The following ZNF827 variants were observed in gnomAD, a reference collection of about 807,000 sequenced individuals.
ZNF827 encodes zinc finger protein 827.
A neutral mutation model predicts 102.4 loss-of-function variants in ZNF827; 13 were observed. That is an observed-to-expected ratio of 0.13 (90% CI 0.08 to 0.20). The LOEUF is 0.20. ZNF827 is among the 10% of genes least tolerant of loss of function. The pLI is 1.00. For synonymous variants in ZNF827, 523 were observed against 536.2 expected (o/e 0.98, Z 0.34); for missense variants, 1,103 against 1,344.4 (o/e 0.82, Z 2.81).
chr4:145,811,101 C>G (rs925482355), intron 8 of ZNF827, among the ~76,000 whole-genome samples: 1 of 151,680 alleles, frequency 6.6e-6, no homozygotes, highest in African/African-American at 2.4e-5. Flanking sequence ...AAGTGATTCT[C>G]GTACCTCAGC....
rs548431091 is a variant in ZNF827 at position 145,801,713 on chromosome 4, T to C, written c.2383+21709A>G. Among the ~76,000 whole-genome samples the C allele has an allele frequency of 5.3e-5, 8 of 152,350 alleles. No individual in the cohort carries two copies. In the South Asian group the frequency reaches 1.7e-3, roughly 32 times the overall value. On this transcript the variant is annotated intron_variant, in intron 8 of 14. Transcript: ENST00000508784. Reference sequence around the variant, plus strand: ...ATTTGATGTTCATTTTCATCAACATTAGCAGAAGTAATGCCCCAAGGGTGG... The same window carrying C: ...ATTTGATGTTCATTTTCATCAACATCAGCAGAAGTAATGCCCCAAGGGTGG...
At chr4:145,865,772 G>A (rs1006077466) in intron 5 of ZNF827, among the ~76,000 whole-genome samples, 7 of 152,040 alleles carry the variant, frequency 4.6e-5, no homozygotes, top group African/African-American at 1.2e-4. Context: ...TTCCTGTTTC[G>A]CACCTCACCC....
chr4:145,882,566 A>G (rs12510696), intron 4 of ZNF827, among the ~76,000 whole-genome samples: 1 of 152,304 alleles, frequency 6.6e-6, no homozygotes, highest in Admixed American at 6.5e-5. Context: ...CTATCCACTG[A>G]CTTTTAATCC....
rs928684908 is a variant in ZNF827, at chr4:145,774,789, G to C, written c.2694-117C>G. On this transcript the variant is annotated intron_variant, in intron 10 of 14. Transcript: ENST00000508784. ...GAAAACTGGAATTTGAAACACATTT[G>C]TCTCTCCACCAAAAGGTTTTGCATT... The C allele has an allele frequency of 7.7e-6, 9 of 1,165,504 alleles. No individual in the cohort carries two copies. In the African/African-American group the frequency reaches 1.4e-4, roughly 18 times the overall value. 72.2% of individuals were successfully genotyped at this position (1,165,504 alleles called of 1,614,324 possible). A position where few individuals can be genotyped will look rare whatever the true frequency, so the allele number is the denominator to read the frequency against.
intron 5 of ZNF827, among the ~76,000 whole-genome samples, chr4:145,860,028 C>A (rs1747547137): frequency 6.6e-6 from 1 of 152,164 alleles, no homozygotes; most frequent in African/African-American, 2.4e-5. Context: ...TTCCTACTCC[C>A]CAGCTTTCTT....
intron 8 of ZNF827, among the ~76,000 whole-genome samples, chr4:145,782,443 A>G (rs1273120415): frequency 6.6e-6 from 1 of 152,146 alleles, no homozygotes; most frequent in Non-Finnish European, 1.5e-5. Context: ...GTGCCATGTG[A>G]GAAACTTTGG....
At chr4:145,821,639 A>T (rs1480009837) in intron 8 of ZNF827, among the ~76,000 whole-genome samples, 1 of 152,216 alleles carries the variant, frequency 6.6e-6, no homozygotes, top group Non-Finnish European at 1.5e-5. Context: ...ACCTAAAGAA[A>T]GGTTTTGGTG....
intron 7 of ZNF827, among the ~76,000 whole-genome samples, chr4:145,842,008 G>A (rs1745467807): frequency 6.6e-6 from 1 of 152,092 alleles, no homozygotes; most frequent in African/African-American, 2.4e-5. Context: ...CTACAGGGAG[G>A]GGGAAGTAGA....
intron 6 of ZNF827, among the ~76,000 whole-genome samples, chr4:145,846,403 G>A (rs1249865861): frequency 6.6e-6 from 1 of 151,754 alleles, no homozygotes; most frequent in African/African-American, 2.4e-5. Flanking sequence ...GCGTGAACCC[G>A]GGAGGCGGAG....
chr4:145,848,282 A>G (rs1175389570), intron 6 of ZNF827, among the ~76,000 whole-genome samples: 1 of 152,234 alleles, frequency 6.6e-6, no homozygotes, highest in Non-Finnish European at 1.5e-5. Flanking sequence ...GATCTGCACA[A>G]ATACCATCCC....
intron 4 of ZNF827, among the ~76,000 whole-genome samples, chr4:145,881,612 T>C (rs959335146): frequency 6.6e-6 from 1 of 152,222 alleles, no homozygotes; most frequent in East Asian, 1.9e-4. Context: ...CTTCTAATAA[T>C]GACGACCCTC....
chr4:145,864,906 T>A (rs1439042468), intron 5 of ZNF827, among the ~76,000 whole-genome samples: 3 of 152,222 alleles, frequency 2.0e-5, no homozygotes, highest in Non-Finnish European at 4.4e-5. Context: ...AACATGTATT[T>A]TCCATCCGTA....
chr4:145,843,319 C>T (rs1401875819), intron 7 of ZNF827, among the ~76,000 whole-genome samples: 1 of 152,066 alleles, frequency 6.6e-6, no homozygotes, highest in Non-Finnish European at 1.5e-5. Context: ...CGGGAGCTCA[C>T]AGGAAGAACC....
chr4:145,856,673 G>C (rs1747133341), intron 5 of ZNF827, among the ~76,000 whole-genome samples: 1 of 139,418 alleles, frequency 7.2e-6, no homozygotes, highest in African/African-American at 2.7e-5. Flanking sequence ...ATGACCTCCA[G>C]TACACACATA....
At chr4:145,805,300 G>T (rs2126328929) in intron 8 of ZNF827, among the ~76,000 whole-genome samples, 1 of 152,008 alleles carries the variant, frequency 6.6e-6, no homozygotes, top group Admixed American at 6.6e-5. Context: ...TTTGTTACTA[G>T]AACAAGTTTT....
chr4:145,837,151 C>T (rs1362589834), intron 7 of ZNF827, among the ~76,000 whole-genome samples: 4 of 151,938 alleles, frequency 2.6e-5, no homozygotes, highest in Admixed American at 6.6e-5. Context: ...AGTCTGATAA[C>T]AGACGAGCCT....
rs115502121 is a variant in ZNF827, at chr4:145,857,417, C to G, written c.1982-7856G>C. On this transcript the variant is annotated intron_variant, in intron 5 of 14. Coordinates refer to ENST00000508784, the MANE Select transcript of ZNF827 (RefSeq NM_001306215.2). ...CAAGATCAAAGCGCTTGTTGCTTTA[C>G]TCTTACGTAGATTTTTAAATTAGTC... Among the ~76,000 whole-genome samples the G allele has an allele frequency of 3.5e-3, 530 of 152,326 alleles. 2 individuals carry two copies. Among genetic ancestry groups the G allele is most frequent in the African/African-American group, 0.012 (508 of 41,568 alleles).
intron 1 of ZNF827, among the ~76,000 whole-genome samples, chr4:145,935,794 G>A (rs1365148537): frequency 1.3e-5 from 2 of 152,116 alleles, no homozygotes; most frequent in Non-Finnish European, 1.5e-5. Flanking sequence ...CTAAAATGGA[G>A]CCTGAATTTC....
At chr4:145,781,491 C>T (rs1738052853) in intron 8 of ZNF827, among the ~76,000 whole-genome samples, 1 of 152,160 alleles carries the variant, frequency 6.6e-6, no homozygotes, top group Non-Finnish European at 1.5e-5. Context: ...TGCCAGCAAT[C>T]CCAACACTGA....
Sources: allele counts gnomAD v4.1 joint callset (sites outside exome capture counted in the v4.1 genomes callset), GRCh38; gene constraint gnomAD v4.1.1; transcripts MANE v1.5; gene names NCBI Gene and HGNC (gene_info 2026-07-23, HGNC 2026-07-21).